BCL9L: variants seen among roughly 807,000 people sequenced by gnomAD.
BCL9L encodes the protein BCL9 like.
A neutral mutation model predicts 99.4 loss-of-function variants in BCL9L; 19 were observed. That is an observed-to-expected ratio of 0.19 (90% CI 0.13 to 0.28). The LOEUF is 0.28. Among genes scored for constraint, BCL9L ranks in the 10% least tolerant of loss-of-function variants. The pLI is 1.00. For missense variants in BCL9L, 2,023 were observed against 2,101.6 expected, an observed-to-expected ratio of 0.96 and a Z score of 0.73; for synonymous variants, 900 against 854.8, an observed-to-expected ratio of 1.05 and a Z score of -0.92.
intron 5 of BCL9L, 106 bp downstream of exon 5, chr11:118,907,377 A>G: frequency 6.4e-7 from 1 of 1,569,016 alleles, no homozygotes; most frequent in East Asian, 2.2e-5. Context: ...TGGGAGAGAA[A>G]AATCCAGGAC....
At position 118,918,262 on chromosome 11, in the gene BCL9L, G is replaced by GCTGTGTGTGTGTGTGTGTGTGTGT. The variant is rs530661802; in HGVS notation, c.-77+563_-77+564insACACACACACACACACACACACAG. 6.8e-3 allele frequency among the ~76,000 whole-genome samples: 1,009 copies of GCTGTGTGTGTGTGTGTGTGTGTGT among 149,038 alleles called. 10 individuals carry two copies. The highest frequency in any genetic ancestry group is 0.024 in the African/African-American group (934 of 38,792). ...GAAGGGGGGCTGGCGGAGGGAAGAG[G>GCTGTGTGTGTGTGTGTGTGTGTGT]CTGTGTGTGTGTGTGTGTGTGTCTG... On this transcript the variant is annotated intron_variant, in intron 2 of 9. Coordinates refer to ENST00000683865, the MANE Select transcript of BCL9L (RefSeq NM_001378213.1).
Position 118,907,493 on chromosome 11 carries a change from C to T in BCL9L, c.522G>A (p.Gly174=). The change falls in exon 5 of 10, where the codon GGG becomes GGA. Residue 174 remains glycine, a synonymous_variant. Transcript: ENST00000683865. ...TCGACAGGCACTCACTGTGGGTGGCCCCAATGGGCTTGTCGTCCTCCTCAC... is the reference window on the plus strand; with the variant it reads ...TCGACAGGCACTCACTGTGGGTGGCTCCAATGGGCTTGTCGTCCTCCTCAC... ...PDSEEDDKPI[G]ATHNCNVADP... 1 of 1,614,196 alleles carries T rather than the reference C, an allele frequency of 6.2e-7. No individual in the cohort carries two copies. The highest frequency in any genetic ancestry group is 8.5e-7 in the Non-Finnish European group (1 of 1,180,026).
chr11:118,920,024 A>C (rs1941096410), intron 1 of BCL9L, among the ~76,000 whole-genome samples: 3 of 152,160 alleles, frequency 2.0e-5, no homozygotes, highest in African/African-American at 7.2e-5. Context: ...ACCAGAGGCC[A>C]CTGGGGGTGG....
Position 118,897,483 on chromosome 11 carries a change from T to C in BCL9L, c.*932A>G, listed in dbSNP as rs1041023762. The C allele has an allele frequency of 3.2e-6, 1 of 317,396 alleles. No homozygotes were observed. The highest frequency in any genetic ancestry group is 6.1e-6 in the Non-Finnish European group (1 of 163,286). The allele number at this position is 317,396 out of a possible 1,614,324, so 19.7% of individuals were successfully genotyped here. A position where few individuals can be genotyped will look rare whatever the true frequency, so the allele number is the denominator to read the frequency against. ...GCAAACACACATGCACGTGCACACA[T>C]GTTCTCCCTGAATCACTCAGCAGCA... On this transcript the variant is annotated 3_prime_UTR_variant, in exon 10 of 10. Transcript: ENST00000683865.
At chr11:118,908,243 G>A (rs1446329100) in intron 4 of BCL9L, 27 bp downstream of exon 4, 1 of 1,522,912 alleles carries the variant, frequency 6.6e-7, no homozygotes, top group South Asian at 1.3e-5. Flanking sequence ...GAGATGCTAG[G>A]GTCTTAGGGA....
At chr11:118,907,058 A>G (rs758302849) in intron 5 of BCL9L, among the ~76,000 whole-genome samples, 4 of 152,024 alleles carry the variant, frequency 2.6e-5, no homozygotes, top group Non-Finnish European at 5.9e-5. Flanking sequence ...AGTCAATTAG[A>G]GGTTAGGGAA....
rs1940169161 is a variant in BCL9L, at chr11:118,900,451, AC to A, written c.3124+167del. On this transcript the variant is annotated intron_variant, in intron 8 of 9. Transcript: ENST00000683865. The surrounding 1 kb of genome is among the most constrained non-coding windows in gnomAD (Gnocchi z 5.3). ...AAAATGCCTGGGAGACTCACGTGGTACCCCCTGAGAAAGCCCACAAATGTCA... is the reference window on the plus strand; with the variant it reads ...AAAATGCCTGGGAGACTCACGTGGTACCCCTGAGAAAGCCCACAAATGTCA... 6.6e-6 allele frequency among the ~76,000 whole-genome samples: 1 copy of A among 151,836 alleles called. No individual in the cohort carries two copies. The highest frequency in any genetic ancestry group is 2.4e-5 in the African/African-American group (1 of 41,320).
At position 118,899,337 on chromosome 11, in the gene BCL9L, C is replaced by T; in HGVS notation, c.3578G>A (p.Gly1193Glu). 6.3e-7 allele frequency: 1 copy of T among 1,575,556 alleles called. No individual in the cohort carries two copies. Among genetic ancestry groups the T allele is most frequent in the Middle Eastern group, 1.8e-4 (1 of 5,554 alleles). ...SNIPLHPNAQ[G>E]TGGPPQNSMM... ...GGAGTTTTGAGGGGGCCCCCCTGTCCCCTGTGCGTTGGGATGCAGTGGAAT... is the reference window on the plus strand; with the variant it reads ...GGAGTTTTGAGGGGGCCCCCCTGTCTCCTGTGCGTTGGGATGCAGTGGAAT... Residue 1193 changes from glycine (G) to glutamate (E), a missense_variant, in exon 10 of 10, where the codon GGG becomes GAG. By Grantham distance (98) the Gly-to-Glu change is moderately conservative. This residue lies in a region of BCL9L where 902 missense variants were observed against 888.2 expected (regional missense o/e 1.02). Transcript: ENST00000683865.
chr11:118,918,782 C>G (rs1428102972), intron 2 of BCL9L, 44 bp downstream of exon 2: 1 of 152,078 alleles, frequency 6.6e-6, no homozygotes, highest in Non-Finnish European at 1.5e-5. Flanking sequence ...GGACAGAAAT[C>G]AGGGAGGCTG....
At chr11:118,919,658 T>C (rs747352071) in intron 1 of BCL9L, among the ~76,000 whole-genome samples, 5 of 152,048 alleles carry the variant, frequency 3.3e-5, no homozygotes, top group Non-Finnish European at 7.4e-5. Context: ...GGGGTGTCCC[T>C]GCCAACCAGA....
rs1015789178 is a variant in BCL9L at position 118,898,132 on chromosome 11, G to A, written c.*283C>T. On this transcript the variant is annotated 3_prime_UTR_variant, in exon 10 of 10. Transcript: ENST00000683865. The stretch of plus-strand genomic sequence containing the variant: ...GCGGGTGCAGGGATGCACGGAAAGA[G>A]GTAAAATAGAGAGGCTCCATAGGAA... 1 of 565,422 alleles carries A rather than the reference G, an allele frequency of 1.8e-6. No individual in the cohort carries two copies. Among genetic ancestry groups the A allele is most frequent in the East Asian group, 3.0e-5 (1 of 33,146 alleles). 35.0% of individuals were successfully genotyped at this position (565,422 alleles called of 1,614,324 possible). A position where few individuals can be genotyped will look rare whatever the true frequency, so the allele number is the denominator to read the frequency against.
intron 2 of BCL9L, among the ~76,000 whole-genome samples, chr11:118,915,910 C>T (rs1940949852): frequency 6.6e-6 from 1 of 152,186 alleles, no homozygotes; most frequent in Admixed American, 6.5e-5. Flanking sequence ...CCAGAAGCCC[C>T]CAAAGGGTTA....
Position 118,899,228 on chromosome 11 carries a change from G to T in BCL9L, c.3687C>A (p.Pro1229=), listed in dbSNP as rs1476301167. Residue 1229 remains proline (P), a synonymous_variant, in exon 10 of 10, where the codon CCC becomes CCA. Transcript: ENST00000683865. ...CACCATGGGGCTGCTGCAGCCGAGG[G>T]GGGAAGGGCATCATCTGGGAGGAGC... The part of the protein sequence containing the change: ...VPSSSQMMPF[P]PRLQQPHGAM... 17 of 1,511,896 alleles carry T rather than the reference G, an allele frequency of 1.1e-5. No individual in the cohort carries two copies. The highest frequency in any genetic ancestry group is 1.5e-5 in the Non-Finnish European group (17 of 1,131,494). 93.7% of individuals were successfully genotyped at this position (1,511,896 alleles called of 1,614,324 possible). A position where few individuals can be genotyped will look rare whatever the true frequency, so the allele number is the denominator to read the frequency against.
intron 4 of BCL9L, 67 bp from the exon 5 acceptor site, chr11:118,907,669 C>T (rs778957146): frequency 6.3e-7 from 1 of 1,590,492 alleles, no homozygotes; most frequent in South Asian, 1.1e-5. Flanking sequence ...CACCCAGGGT[C>T]CCTCCCAGAT....
rs1224489817 is a variant in BCL9L, at chr11:118,925,785, G to GGGC, written c.-681_-679dup. On this transcript the variant is annotated 5_prime_UTR_variant, in exon 1 of 10. Transcript: ENST00000683865. The surrounding 1 kb of genome is among the most constrained non-coding windows in gnomAD (Gnocchi z 6.4). ...TGCGGGCGTCCGGCCGGCTGGCTCCGGGCGGCGGCGGTGGTGCAGCGGCCC... is the reference window on the plus strand; with the variant it reads ...TGCGGGCGTCCGGCCGGCTGGCTCCGGGCGGCGGCGGCGGTGGTGCAGCGGCCC... Among the ~76,000 whole-genome samples, 1 of 149,534 alleles carries GGGC rather than the reference G, an allele frequency of 6.7e-6. No individual in the cohort carries two copies. The highest frequency in any genetic ancestry group is 1.5e-5 in the Non-Finnish European group (1 of 67,144).
chr11:118,900,836 C>A lies in BCL9L; in HGVS notation c.2907G>T (p.Pro969=), dbSNP rs142602207. The A allele has an allele frequency of 6.2e-7, 1 of 1,612,910 alleles. No individual in the cohort carries two copies. Among genetic ancestry groups the A allele is most frequent in the African/African-American group, 1.3e-5 (1 of 74,848 alleles). ...SQMVPLPSAN[P]PGPLKSPQVL... is the part of the protein sequence containing the mutation. ...CCTGGGGCGACTTGAGAGGTCCTGGCGGGTTGGCAGAAGGCAAGGGCACCA... is the reference window on the plus strand; with the variant it reads ...CCTGGGGCGACTTGAGAGGTCCTGGAGGGTTGGCAGAAGGCAAGGGCACCA... The change falls in exon 8 of 10, where the codon CCG becomes CCT. Residue 969 remains proline (P), a synonymous_variant. Coordinates refer to ENST00000683865, the MANE Select transcript of BCL9L (RefSeq NM_001378213.1). The surrounding 1 kb of genome is among the most constrained non-coding windows in gnomAD (Gnocchi z 5.3).
chr11:118,905,230 C>T (rs1422505174), intron 5 of BCL9L, among the ~76,000 whole-genome samples: 1 of 152,106 alleles, frequency 6.6e-6, no homozygotes, highest in African/African-American at 2.4e-5. Flanking sequence ...AAGGGCAGGC[C>T]GGGCACGGTG....
Position 118,925,102 on chromosome 11 carries a change from A to C in BCL9L, c.-131+136T>G, listed in dbSNP as rs1430272857. 6.6e-6 allele frequency: 1 copy of C among 152,250 alleles called. No homozygotes were observed. Among genetic ancestry groups the C allele is most frequent in the Non-Finnish European group, 1.5e-5 (1 of 68,148 alleles). The allele number at this position is 152,250 out of a possible 1,614,324, so 9.4% of individuals were successfully genotyped here. ...CCCTGGGGGAGTCCCCCACACCTTA[A>C]ACAGCCTGGGGGTACGTGCCAGAGA... On this transcript the variant is annotated intron_variant, in intron 1 of 9. Coordinates refer to ENST00000683865, the MANE Select transcript of BCL9L (RefSeq NM_001378213.1). This position sits in a 1 kb window ranked among gnomAD's most constrained non-coding sequence, Gnocchi z 6.4.
At position 118,896,292 on chromosome 11, in the gene BCL9L, T is replaced by C. The variant is rs911925821; in HGVS notation, c.*2123A>G. The C allele has an allele frequency of 1.9e-5, 3 of 161,340 alleles. No individual in the cohort carries two copies. The highest frequency in any genetic ancestry group is 7.3e-5 in the African/African-American group (3 of 41,208). The allele number at this position is 161,340 out of a possible 1,614,324, so 10.0% of individuals were successfully genotyped here. A position where few individuals can be genotyped will look rare whatever the true frequency, so the allele number is the denominator to read the frequency against. On this transcript the variant is annotated 3_prime_UTR_variant, in exon 10 of 10. Transcript: ENST00000683865. Reference sequence around the variant, plus strand: ...TTGTATTTATATATTTATATTTATATATATATTTATATAATGGTACAAAAT... The same window carrying C: ...TTGTATTTATATATTTATATTTATACATATATTTATATAATGGTACAAAAT...
Sources: gnomAD v4.1 joint callset for allele counts (sites outside exome capture counted in the v4.1 genomes callset) on GRCh38, gnomAD v4.1.1 for gene constraint, gnomAD v4.1.1 regional missense constraint, Gnocchi (gnomAD v3.1) non-coding constraint, MANE v1.5 for transcripts, NCBI Gene and HGNC (gene_info 2026-07-23, HGNC 2026-07-21) for gene names.